The following CRPPA variants were observed in gnomAD, a reference collection of about 807,000 sequenced individuals.
CRPPA encodes the protein D-ribitol-5-phosphate cytidylyltransferase.
In CRPPA, 43 loss-of-function variants were observed where a neutral mutation model predicts 52.0. The observed-to-expected ratio is 0.83, with a 90% CI of 0.65 to 1.07. The LOEUF (loss-of-function observed/expected upper bound fraction) is 1.07, where lower values mean the gene tolerates loss of function less well. Among genes scored for constraint, CRPPA ranks in the 50% least tolerant of loss-of-function variants. The pLI is 0.00. For missense variants in CRPPA, 629 were observed against 551.7 expected, an observed-to-expected ratio of 1.14 and a Z score of -1.40; for synonymous variants, 250 against 203.5, an observed-to-expected ratio of 1.23 and a Z score of -1.94.
chr7:16,368,751 A>G (rs148359166), intron 3 of CRPPA, among the ~76,000 whole-genome samples: 10 of 152,312 alleles, frequency 6.6e-5, no homozygotes, highest in South Asian at 2.1e-4. Context: ...TGATCTCTAG[A>G]AATAAAGGTT....
chr7:16,288,897 C>T (rs1201756966), intron 5 of CRPPA, among the ~76,000 whole-genome samples: 1 of 121,702 alleles, frequency 8.2e-6, no homozygotes, highest in Non-Finnish European at 1.8e-5. Context: ...CAAAAACAAA[C>T]CAAAAAATAC....
chr7:16,358,783 T>C (rs1786369657), intron 3 of CRPPA, among the ~76,000 whole-genome samples: 1 of 152,176 alleles, frequency 6.6e-6, no homozygotes, highest in African/African-American at 2.4e-5. Flanking sequence ...TTCTAAAAAA[T>C]GAAGAAATTG....
chr7:16,128,163 T>C (rs1782616126), intron 9 of CRPPA, among the ~76,000 whole-genome samples: 1 of 152,110 alleles, frequency 6.6e-6, no homozygotes, highest in African/African-American at 2.4e-5. Flanking sequence ...GAACTGAATG[T>C]ATACTGGGCT....
intron 5 of CRPPA, among the ~76,000 whole-genome samples, chr7:16,300,716 A>T (rs1277046831): frequency 6.6e-6 from 1 of 152,160 alleles, no homozygotes; most frequent in Non-Finnish European, 1.5e-5. Flanking sequence ...CCAGACTAAA[A>T]TGCCAATATA....
chr7:16,373,154 G>A (rs529717307), intron 3 of CRPPA, among the ~76,000 whole-genome samples: 87 of 152,198 alleles, frequency 5.7e-4, no homozygotes, highest in African/African-American at 1.3e-3. Context: ...AAATTAGCCC[G>A]GCATGGTGGC....
At chr7:16,318,205 T>C (rs1373016392) in intron 3 of CRPPA, among the ~76,000 whole-genome samples, 1 of 152,174 alleles carries the variant, frequency 6.6e-6, no homozygotes, top group African/African-American at 2.4e-5. Context: ...AAGGAGACTA[T>C]GGTTAATGGC....
intron 9 of CRPPA, among the ~76,000 whole-genome samples, chr7:16,155,979 G>A (rs1783171967): frequency 6.6e-6 from 1 of 152,174 alleles, no homozygotes; most frequent in African/African-American, 2.4e-5. Flanking sequence ...AACGGGAGGG[G>A]TCAGCATAAA....
intron 5 of CRPPA, among the ~76,000 whole-genome samples, chr7:16,290,928 A>G (rs1784551321): frequency 6.6e-6 from 1 of 151,362 alleles, no homozygotes; most frequent in Non-Finnish European, 1.5e-5. Flanking sequence ...GGAACTCAAC[A>G]GCAAAAAAAC....
intron 9 of CRPPA, among the ~76,000 whole-genome samples, chr7:16,162,306 G>C (rs1562532900): frequency 6.6e-6 from 1 of 152,114 alleles, no homozygotes; most frequent in South Asian, 2.1e-4. Flanking sequence ...TTTCTCCTGT[G>C]GGCATTCAGT....
At chr7:16,303,356 G>C in intron 4 of CRPPA, among the ~76,000 whole-genome samples, 1 of 151,686 alleles carries the variant, frequency 6.6e-6, no homozygotes, top group East Asian at 1.9e-4. Flanking sequence ...CTAGTAGTTA[G>C]CTAATCTGGA....
At chr7:16,136,737 C>T (rs1424751874) in intron 9 of CRPPA, among the ~76,000 whole-genome samples, 1 of 152,070 alleles carries the variant, frequency 6.6e-6, no homozygotes, top group Non-Finnish European at 1.5e-5. Context: ...AAGAAGGTGC[C>T]CACTGTTTAT....
chr7:16,247,356 T>G (rs1341812530), intron 8 of CRPPA, among the ~76,000 whole-genome samples: 2 of 152,182 alleles, frequency 1.3e-5, no homozygotes, highest in South Asian at 2.1e-4. Flanking sequence ...GTAGGGTTAT[T>G]AATTGGCCTG....
chr7:16,308,707 T>C (rs958139667), intron 3 of CRPPA, 80 bp from the exon 4 acceptor site: 24 of 862,314 alleles, frequency 2.8e-5, no homozygotes, highest in Non-Finnish European at 3.6e-5. Flanking sequence ...TCATAATCCA[T>C]TGCAAACAAA....
intron 3 of CRPPA, among the ~76,000 whole-genome samples, chr7:16,323,477 C>T (rs75425962): frequency 0.08 from 12,154 of 152,128 alleles, 808 homozygotes; most frequent in African/African-American, 0.18. Flanking sequence ...CCTCTGCTAT[C>T]TCCATGAGAA....
intron 3 of CRPPA, among the ~76,000 whole-genome samples, chr7:16,310,965 T>G (rs1048147995): frequency 4.6e-5 from 7 of 152,168 alleles, no homozygotes; most frequent in Non-Finnish European, 8.8e-5. Context: ...GAACTTTTCC[T>G]CACATTCAAA....
At chr7:16,166,840 CCTT>C (rs1160441982) in intron 9 of CRPPA, among the ~76,000 whole-genome samples, 7 of 152,126 alleles carry the variant, frequency 4.6e-5, no homozygotes, top group Admixed American at 6.5e-5. Context: ...ATGCCAATGC[CCTT>C]CTTCTTGCTT....
intron 4 of CRPPA, among the ~76,000 whole-genome samples, chr7:16,304,497 C>T (rs1034350489): frequency 2.0e-5 from 3 of 151,936 alleles, no homozygotes; most frequent in East Asian, 1.9e-4. Flanking sequence ...AAAAATCAGC[C>T]GTGCATGGTG....
At chr7:16,344,257 G>C (rs905604486) in intron 3 of CRPPA, among the ~76,000 whole-genome samples, 8 of 151,970 alleles carry the variant, frequency 5.3e-5, no homozygotes, top group African/African-American at 1.9e-4. Context: ...CAGAAACCTA[G>C]AATTTTGACT....
Position 16,383,408 on chromosome 7 carries a change from G to T in CRPPA, c.535-7167C>A, listed in dbSNP as rs1385963356. Reference sequence around the variant, plus strand: ...GAGGTGTCAGACTGCCCCTACTGGGGGGTGCCTCCCAGTTAGGCTGCTTGG... The same window carrying T: ...GAGGTGTCAGACTGCCCCTACTGGGTGGTGCCTCCCAGTTAGGCTGCTTGG... On this transcript the variant is annotated intron_variant, in intron 2 of 9. Transcript: ENST00000407010. 2.0e-5 allele frequency among the ~76,000 whole-genome samples: 3 copies of T among 152,310 alleles called. No homozygotes were observed. The East Asian group carries it at 5.8e-4, about 30-fold the overall frequency.
Sources: gnomAD v4.1 joint callset for allele counts (sites outside exome capture counted in the v4.1 genomes callset) on GRCh38, gnomAD v4.1.1 for gene constraint, MANE v1.5 for transcripts, NCBI Gene and HGNC (gene_info 2026-07-23, HGNC 2026-07-21) for gene names.